TMEM68: variants seen among roughly 807,000 people sequenced by gnomAD.
TMEM68 encodes DGAT1/2-independent enzyme synthesizing storage lipids.
Under a neutral mutation model 36.9 loss-of-function variants are expected in TMEM68, and 25 were observed. The observed-to-expected ratio is 0.68, with a 90% CI of 0.49 to 0.95. The LOEUF (loss-of-function observed/expected upper bound fraction) is 0.95. Among genes scored for constraint, TMEM68 ranks in the 40% least tolerant of loss-of-function variants. The pLI is 0.00. For synonymous variants in TMEM68, 131 were observed against 124.4 expected (o/e 1.05, Z -0.35); for missense variants, 333 against 392.0 (o/e 0.85, Z 1.27).
intron 1 of TMEM68, among the ~76,000 whole-genome samples, chr8:55,766,263 G>A (rs1810959627): frequency 6.6e-6 from 1 of 151,970 alleles, no homozygotes; most frequent in Non-Finnish European, 1.5e-5. Flanking sequence ...TGCAAAATAT[G>A]TGCACTTGGT....
rs1013141970 is a variant in TMEM68 at position 55,739,959 on chromosome 8, T to C, written c.*173A>G. ...TGTAATTTGTTAGTATTTGACACAA[T>C]TGCAAAAACAAAATTGACTATTTTA... On this transcript the variant is annotated 3_prime_UTR_variant, in exon 8 of 8. Coordinates refer to ENST00000434581, the MANE Select transcript of TMEM68 (RefSeq NM_001286657.2). 2.3e-5 allele frequency: 12 copies of C among 532,218 alleles called. No homozygotes were observed. Among genetic ancestry groups the C allele is most frequent in the Middle Eastern group, 5.0e-4 (1 of 2,020 alleles). 33.0% of individuals were successfully genotyped at this position (532,218 alleles called of 1,614,324 possible). A position where few individuals can be genotyped will look rare whatever the true frequency, so the allele number is the denominator to read the frequency against.
intron 6 of TMEM68, among the ~76,000 whole-genome samples, chr8:55,744,385 A>G (rs1024058462): frequency 6.1e-5 from 2 of 32,828 alleles, no homozygotes; most frequent in African/African-American, 2.8e-4. Context: ...GGCTCACTGC[A>G]AGCTCCTCCT....
intron 1 of TMEM68, among the ~76,000 whole-genome samples, chr8:55,765,495 A>G (rs1003658629): frequency 6.6e-6 from 1 of 152,236 alleles, no homozygotes; most frequent in Non-Finnish European, 1.5e-5. Flanking sequence ...TACTGTGATT[A>G]CATGGGCTAA....
At chr8:55,748,673 C>T (rs1258249579) in intron 5 of TMEM68, among the ~76,000 whole-genome samples, 1 of 148,610 alleles carries the variant, frequency 6.7e-6, no homozygotes, top group Non-Finnish European at 1.5e-5. Context: ...ATGGTGCGAT[C>T]TCGGCTCACT....
intron 4 of TMEM68, among the ~76,000 whole-genome samples, chr8:55,753,882 A>C (rs1199434421): frequency 2.0e-5 from 3 of 152,192 alleles, no homozygotes; most frequent in African/African-American, 7.2e-5. Flanking sequence ...ACCTGAGGTC[A>C]GGAGTTCGAG....
chr8:55,749,421 T>G (rs1810370467), intron 5 of TMEM68, among the ~76,000 whole-genome samples: 2 of 152,202 alleles, frequency 1.3e-5, no homozygotes, highest in South Asian at 4.1e-4. Context: ...GTGAGGCCTA[T>G]TAAGGGATTT....
chr8:55,759,868 ATC>A (rs1383868872), intron 3 of TMEM68, among the ~76,000 whole-genome samples: 1 of 152,194 alleles, frequency 6.6e-6, no homozygotes, highest in East Asian at 1.9e-4. Context: ...CTACAAGAAA[ATC>A]TCTGTCCTGT....
chr8:55,754,944 TACAC>T (rs71256561), intron 4 of TMEM68, among the ~76,000 whole-genome samples: 2,432 of 134,866 alleles, frequency 0.018, 46 homozygotes, highest in African/African-American at 0.05. Flanking sequence ...TATATATTTA[TACAC>T]ACACACACAC....
chr8:55,754,496 C>T (rs896176156), intron 4 of TMEM68, among the ~76,000 whole-genome samples: 5 of 136,908 alleles, frequency 3.7e-5, no homozygotes, highest in Non-Finnish European at 7.8e-5. Flanking sequence ...CACACACATA[C>T]ATACACACAC....
At chr8:55,771,347 A>G (rs772461079) in intron 1 of TMEM68, among the ~76,000 whole-genome samples, 1 of 152,166 alleles carries the variant, frequency 6.6e-6, no homozygotes, top group African/African-American at 2.4e-5. Context: ...CATGCCTATA[A>G]TCCTAACACT....
At chr8:55,758,074 G>T (rs914218803) in intron 3 of TMEM68, among the ~76,000 whole-genome samples, 6 of 152,144 alleles carry the variant, frequency 3.9e-5, no homozygotes, top group Non-Finnish European at 8.8e-5. Flanking sequence ...CCTTTTCCTG[G>T]GGTCGCAGGA....
In TMEM68 at chr8:55,743,620, C is replaced by A. The variant is rs1473860405; in HGVS notation, c.749G>T (p.Arg250Met). The change falls in exon 7 of 8, where the codon AGG becomes ATG. Residue 250 changes from arginine (R) to methionine (M), a missense_variant and splice_region_variant. Physicochemically the swap from Arg to Met is moderately conservative, Grantham distance 91. Transcript: ENST00000434581. ...REGFRSLGGT[R>M]LFRWLYEKFR... ...TTTTTCATAAAGCCACCTAAATAAC[C>A]CTGTTTTAGAGTAAATACAATCATT... 14 of 1,533,502 alleles carry A rather than the reference C, an allele frequency of 9.1e-6. No individual in the cohort carries two copies. Among genetic ancestry groups the A allele is most frequent in the Non-Finnish European group, 1.1e-5 (13 of 1,145,952 alleles). The allele number at this position is 1,533,502 out of a possible 1,614,324, so 95.0% of individuals were successfully genotyped here.
At chr8:55,751,671 T>A in intron 4 of TMEM68, 2 of 240,954 alleles carry the variant, frequency 8.3e-6, no homozygotes, top group Non-Finnish European at 8.1e-6. Flanking sequence ...TATAATTAAA[T>A]TTTTAAAATA....
chr8:55,739,993 A>G lies in TMEM68; in HGVS notation c.*139T>C. Reference sequence around the variant, plus strand: ...CAAAATTGACTATTTTAAAGAAACGAATTCTGTGAAAGATGCTTATTAACA... The same window carrying G: ...CAAAATTGACTATTTTAAAGAAACGGATTCTGTGAAAGATGCTTATTAACA... On this transcript the variant is annotated 3_prime_UTR_variant, in exon 8 of 8. Transcript: ENST00000434581. 1.6e-6 allele frequency: 1 copy of G among 629,268 alleles called. No individual in the cohort carries two copies. Among genetic ancestry groups the G allele is most frequent in the Non-Finnish European group, 2.6e-6 (1 of 386,794 alleles). 39.0% of individuals were successfully genotyped at this position (629,268 alleles called of 1,614,324 possible). A position where few individuals can be genotyped will look rare whatever the true frequency, so the allele number is the denominator to read the frequency against.
chr8:55,753,313 T>C (rs1012826110), intron 4 of TMEM68, among the ~76,000 whole-genome samples: 1 of 152,010 alleles, frequency 6.6e-6, no homozygotes, highest in African/African-American at 2.4e-5. Context: ...ATGGTAAAAA[T>C]ATTAATGCTA....
At chr8:55,766,939 A>G (rs1810981760) in intron 1 of TMEM68, among the ~76,000 whole-genome samples, 1 of 152,232 alleles carries the variant, frequency 6.6e-6, no homozygotes. Flanking sequence ...AGAATCTGAG[A>G]TAATTATATG....
At chr8:55,770,906 A>G (rs1798750321) in intron 1 of TMEM68, among the ~76,000 whole-genome samples, 1 of 152,224 alleles carries the variant, frequency 6.6e-6, no homozygotes, top group African/African-American at 2.4e-5. Context: ...CTGTAATCCC[A>G]GCACTTTGCG....
chr8:55,750,949 T>C lies in TMEM68; in HGVS notation c.687+15A>G. ...GACTAAGCTTTACTTCAATAATTAA[T>C]TTTATATAACTCACCACTTTTGCAT... On this transcript the variant is annotated intron_variant, in intron 5 of 7. Transcript: ENST00000434581. 6 of 1,589,124 alleles carry C rather than the reference T, an allele frequency of 3.8e-6. No individual in the cohort carries two copies. Among genetic ancestry groups the C allele is most frequent in the Non-Finnish European group, 5.1e-6 (6 of 1,173,042 alleles).
chr8:55,752,851 G>C (rs1393477641), intron 4 of TMEM68, among the ~76,000 whole-genome samples: 1 of 150,628 alleles, frequency 6.6e-6, no homozygotes, highest in African/African-American at 2.4e-5. Context: ...AGCCTCCCAA[G>C]TAGCTGAGAC....
Sources: allele counts gnomAD v4.1 joint callset (sites outside exome capture counted in the v4.1 genomes callset), GRCh38; gene constraint gnomAD v4.1.1; transcripts MANE v1.5; gene names NCBI Gene and HGNC (gene_info 2026-07-23, HGNC 2026-07-21).